Variants in PHF20 observed in about 807,000 individuals in gnomAD.
The protein encoded by PHF20 is glioma-expressed antigen 2.
Under a neutral mutation model 113.5 loss-of-function variants are expected in PHF20, and 23 were observed. The observed-to-expected ratio is 0.20, with a 90% confidence interval of 0.15 to 0.29. The LOEUF (loss-of-function observed/expected upper bound fraction) is 0.29, where lower values mean the gene tolerates loss of function less well. Among genes scored for constraint, PHF20 ranks in the 10% least tolerant of loss-of-function variants. PHF20 has a pLI of 1.00. For synonymous variants in PHF20, 434 were observed against 457.3 expected (o/e 0.95, Z 0.65); for missense variants, 943 against 1,219.6 (o/e 0.77, Z 3.38).
chr20:35,910,910 C>T (rs1412189782), intron 10 of PHF20, among the ~76,000 whole-genome samples: 1 of 151,582 alleles, frequency 6.6e-6, no homozygotes, highest in Non-Finnish European at 1.5e-5. Context: ...AGTGAGCCAG[C>T]ATGCCCAGAT....
rs190741639 is a variant in PHF20 at position 35,905,670 on chromosome 20, A to C, written c.1561+6022A>C. 3.9e-5 allele frequency among the ~76,000 whole-genome samples: 6 copies of C among 152,340 alleles called. No individual in the cohort carries two copies. In the East Asian group the frequency reaches 9.6e-4, roughly 24 times the overall value. ...ACATATAACATAATGTTTTGTTATA[A>C]CAGCCTGAGCAGACTAACCCACGCC... On this transcript the variant is annotated intron_variant, in intron 10 of 17. Coordinates refer to ENST00000374012, the MANE Select transcript of PHF20 (RefSeq NM_016436.5).
At chr20:35,814,884 A>AT (rs1469143194) in intron 2 of PHF20, among the ~76,000 whole-genome samples, 4,031 of 144,662 alleles carry the variant, frequency 0.028, 109 homozygotes, top group African/African-American at 0.051. Flanking sequence ...AAAAAAAAAA[A>AT]AAAAAATAAA....
intron 4 of PHF20, chr20:35,849,415 T>TAGAATGA (rs1171239131): frequency 2.1e-6 from 1 of 470,354 alleles, no homozygotes; most frequent in Non-Finnish European, 4.4e-6. Flanking sequence ...TGCTTCAAAG[T>TAGAATGA]AGAATGAAGT....
At chr20:35,813,024 AGT>A (rs2042004507) in intron 2 of PHF20, among the ~76,000 whole-genome samples, 1 of 152,190 alleles carries the variant, frequency 6.6e-6, no homozygotes, top group African/African-American at 2.4e-5. Context: ...GCTGGAGCAC[AGT>A]GGTGCGATCT....
intron 6 of PHF20, among the ~76,000 whole-genome samples, chr20:35,865,388 C>A (rs979958203): frequency 5.3e-5 from 8 of 149,730 alleles, no homozygotes; most frequent in Admixed American, 3.3e-4. Flanking sequence ...GTAGTCCCAG[C>A]GATTCCAGAG....
intron 4 of PHF20, among the ~76,000 whole-genome samples, chr20:35,852,761 G>A (rs979405779): frequency 6.6e-6 from 1 of 151,856 alleles, no homozygotes; most frequent in African/African-American, 2.4e-5. Context: ...ACCACGCCTG[G>A]CTAATATTTG....
chr20:35,800,850 C>T (rs961465172), intron 1 of PHF20, among the ~76,000 whole-genome samples: 1 of 152,070 alleles, frequency 6.6e-6, no homozygotes, highest in African/African-American at 2.4e-5. Flanking sequence ...TTGTTTGCTT[C>T]GTTTTTAATT....
At chr20:35,942,399 CT>C (rs1276014488) in intron 17 of PHF20, among the ~76,000 whole-genome samples, 2 of 152,198 alleles carry the variant, frequency 1.3e-5, no homozygotes, top group Admixed American at 1.3e-4. Context: ...AGGAGTGGCT[CT>C]GTAGTCCCTG....
At chr20:35,776,895 A>C (rs1259055220) in intron 1 of PHF20, among the ~76,000 whole-genome samples, 1 of 152,168 alleles carries the variant, frequency 6.6e-6, no homozygotes, top group Non-Finnish European at 1.5e-5. Context: ...CTTGGTCGCT[A>C]CCTTGCTTAG....
chr20:35,871,770 CGAT>C lies in PHF20; in HGVS notation c.1226_1228del (p.Met409del). On this transcript the variant is annotated inframe_deletion, in exon 9 of 18. Coordinates refer to ENST00000374012, the MANE Select transcript of PHF20 (RefSeq NM_016436.5). Reference sequence around the variant, plus strand: ...AACTGCCCATCAATGGGAGAAAACACGATGAAAACAGAACCGACTTCTCCCCTT... The same window carrying C: ...AACTGCCCATCAATGGGAGAAAACACGAAAACAGAACCGACTTCTCCCCTT... 3.1e-6 allele frequency: 5 copies of C among 1,613,162 alleles called. No individual in the cohort carries two copies. The highest frequency in any genetic ancestry group is 3.4e-6 in the Non-Finnish European group (4 of 1,179,510).
chr20:35,815,452 G>A (rs942971537), intron 2 of PHF20, among the ~76,000 whole-genome samples: 3 of 151,858 alleles, frequency 2.0e-5, no homozygotes, highest in African/African-American at 7.3e-5. Flanking sequence ...TGTGGCATGT[G>A]CCTGTAATTC....
chr20:35,837,391 T>G (rs1337056103), intron 2 of PHF20, among the ~76,000 whole-genome samples: 1 of 152,216 alleles, frequency 6.6e-6, no homozygotes, highest in Non-Finnish European at 1.5e-5. Flanking sequence ...TCCCGCTGGT[T>G]GGAAATGTAA....
chr20:35,779,327 G>A (rs577927120), intron 1 of PHF20, among the ~76,000 whole-genome samples: 3 of 151,962 alleles, frequency 2.0e-5, no homozygotes, highest in South Asian at 2.1e-4. Context: ...GAGCCACTGC[G>A]CCTGGCCTAA....
At chr20:35,904,636 A>G (rs1045436350) in intron 10 of PHF20, among the ~76,000 whole-genome samples, 2 of 151,926 alleles carry the variant, frequency 1.3e-5, no homozygotes, top group African/African-American at 2.4e-5. Flanking sequence ...GGACTCCTCA[A>G]TATCTGGGTT....
rs2041065340 is a variant in PHF20, at chr20:35,772,081, T to G, written c.-33+2T>G. 2 of 150,464 alleles carry G rather than the reference T, an allele frequency of 1.3e-5. No homozygotes were observed. The allele number at this position is 150,464 out of a possible 1,614,324, so 9.3% of individuals were successfully genotyped here. ...GCGCAGCCGGAGTGGGGCCGTGAGG[T>G]GAGCTCGCGGCCAGGCGAAGCCGGC... On this transcript the variant is annotated splice_donor_variant, in intron 1 of 17. Coordinates refer to ENST00000374012, the MANE Select transcript of PHF20 (RefSeq NM_016436.5). LOFTEE classifies it low-confidence loss of function (5UTR_SPLICE).
chr20:35,781,947 C>CA (rs796259771), intron 1 of PHF20, among the ~76,000 whole-genome samples: 2,225 of 136,636 alleles, frequency 0.016, 30 homozygotes, highest in African/African-American at 0.044. Context: ...GACTCCATCT[C>CA]AAAAAAAAAA....
At position 35,855,231 on chromosome 20, in the gene PHF20, G is replaced by T. The variant is rs557724039; in HGVS notation, c.341-3071G>T. On this transcript the variant is annotated intron_variant, in intron 4 of 17. Transcript: ENST00000374012. Reference sequence around the variant, plus strand: ...TTCCATAGCATTGTTTATCATAACTGCTTTGCTTGCCAACACCCTGACAAT... The same window carrying T: ...TTCCATAGCATTGTTTATCATAACTTCTTTGCTTGCCAACACCCTGACAAT... The T allele has an allele frequency of 1.8e-5, 24 of 1,325,738 alleles. No homozygotes were observed. The South Asian group carries it at 2.6e-4, about 14-fold the overall frequency. The allele number at this position is 1,325,738 out of a possible 1,614,324, so 82.1% of individuals were successfully genotyped here.
At position 35,941,054 on chromosome 20, in the gene PHF20, C is replaced by T. The variant is rs899659723; in HGVS notation, c.2896+7C>T. 1 of 1,609,574 alleles carries T rather than the reference C, an allele frequency of 6.2e-7. No homozygotes were observed. Among genetic ancestry groups the T allele is most frequent in the Non-Finnish European group, 8.5e-7 (1 of 1,177,054 alleles). On this transcript the variant is annotated splice_region_variant and intron_variant, in intron 17 of 17. Coordinates refer to ENST00000374012, the MANE Select transcript of PHF20 (RefSeq NM_016436.5). ...ATTGAGAAGGAGTTGGATGGTAGGG[C>T]TCCTTCATTGGCCCCCTGTGCATTG...
chr20:35,868,041 C>T (rs2054348292), intron 6 of PHF20, among the ~76,000 whole-genome samples: 1 of 152,166 alleles, frequency 6.6e-6, no homozygotes, highest in Non-Finnish European at 1.5e-5. Context: ...CGCCTGTAAT[C>T]TCAGCACTTT....
Sources: gnomAD v4.1 joint callset for allele counts (sites outside exome capture counted in the v4.1 genomes callset) on GRCh38, gnomAD v4.1.1 for gene constraint, MANE v1.5 for transcripts, NCBI Gene and HGNC (gene_info 2026-07-23, HGNC 2026-07-21) for gene names.